CIP2A: variants seen among roughly 807,000 people sequenced by gnomAD.
The protein encoded by CIP2A is protein CIP2A.
CIP2A carries 103 observed loss-of-function variants against 110.9 expected under a neutral mutation model. The ratio of observed to expected loss-of-function variants is 0.93; its 90% CI spans 0.79 to 1.09. The LOEUF is 1.09. CIP2A is among the 50% of genes least tolerant of loss of function. The pLI is 0.00. For synonymous variants in CIP2A, 381 were observed against 361.6 expected (o/e 1.05, Z -0.61); for missense variants, 1,088 against 1,038.4 (o/e 1.05, Z -0.66).
Position 108,550,916 on chromosome 3 carries a change from C to A in CIP2A, c.*233G>T. On this transcript the variant is annotated 3_prime_UTR_variant, in exon 21 of 21. Transcript: ENST00000295746. Reference sequence around the variant, plus strand: ...TAAAAATGATTTTCTAATGTAAGAACCAAAGAAAACCTTAAGCCATAAAAG... The same window carrying A: ...TAAAAATGATTTTCTAATGTAAGAAACAAAGAAAACCTTAAGCCATAAAAG... 1 of 270,010 alleles carries A rather than the reference C, an allele frequency of 3.7e-6. No homozygotes were observed. Among genetic ancestry groups the A allele is most frequent in the Non-Finnish European group, 6.9e-6 (1 of 145,768 alleles). 16.7% of individuals were successfully genotyped at this position (270,010 alleles called of 1,614,324 possible). A position where few individuals can be genotyped will look rare whatever the true frequency, so the allele number is the denominator to read the frequency against.
chr3:108,551,285 T>G lies in CIP2A; in HGVS notation c.2582A>C (p.Glu861Ala), dbSNP rs147038755. 1.9e-6 allele frequency: 3 copies of G among 1,612,196 alleles called. No individual in the cohort carries two copies. Among genetic ancestry groups the G allele is most frequent in the Non-Finnish European group, 2.5e-6 (3 of 1,178,908 alleles). The part of the protein sequence containing the change: ...SSLEVQKAQL[E>A]GRLEEKESLV... ...GGACTCTTTCTCTTCCAAACGACCT[T>G]CTAATTGTGCCTTTTGAACCTCTAG... Residue 861 changes from glutamate to alanine, a missense_variant, in exon 21 of 21, where the codon GAA becomes GCA. Coordinates refer to ENST00000295746, the MANE Select transcript of CIP2A (RefSeq NM_020890.3).
chr3:108,559,762 T>C lies in CIP2A; in HGVS notation c.2008A>G (p.Thr670Ala). 6.4e-7 allele frequency: 1 copy of C among 1,573,076 alleles called. No homozygotes were observed. The highest frequency in any genetic ancestry group is 8.7e-7 in the Non-Finnish European group (1 of 1,151,018). The change falls in exon 16 of 21, where the codon ACA becomes GCA. Residue 670 changes from threonine (T) to alanine (A), a missense_variant. Transcript: ENST00000295746. Reference protein sequence around the residue: ...QHRCQRTQAETEARTLASMLR... With the variant: ...QHRCQRTQAEAEARTLASMLR... The stretch of plus-strand genomic sequence containing the variant: ...TGTCTTTATATTCTACACACCTCTG[T>C]TTCAGCTTGAGTTCTTTGACAGCGA...
chr3:108,579,195 T>C, intron 7 of CIP2A, 86 bp downstream of exon 7: 1 of 1,023,110 alleles, frequency 9.8e-7, no homozygotes, highest in Non-Finnish European at 1.5e-6. Flanking sequence ...AAGTTTATTA[T>C]ATTTTAAGAA....
intron 18 of CIP2A, 77 bp downstream of exon 18, chr3:108,554,299 A>T (rs1203135332): frequency 1.7e-6 from 1 of 581,908 alleles, no homozygotes; most frequent in Non-Finnish European, 3.0e-6. Context: ...TCAATAAAAA[A>T]CAATGTTCTA....
At chr3:108,561,714 A>G (rs1373753469) in intron 13 of CIP2A, among the ~76,000 whole-genome samples, 1 of 152,122 alleles carries the variant, frequency 6.6e-6, no homozygotes, top group Non-Finnish European at 1.5e-5. Context: ...CTACCTACCA[A>G]TGCATCCATA....
chr3:108,574,692 G>A (rs527997319), intron 8 of CIP2A: 1 of 152,590 alleles, frequency 6.6e-6, no homozygotes, highest in South Asian at 2.1e-4. Flanking sequence ...AAACCTGAGA[G>A]ACAGCCCTTT....
At chr3:108,572,712 A>G (rs1215604702) in intron 8 of CIP2A, among the ~76,000 whole-genome samples, 3 of 151,690 alleles carry the variant, frequency 2.0e-5, no homozygotes, top group Admixed American at 1.3e-4. Flanking sequence ...GATTCACTTA[A>G]TTTTAATAAT....
chr3:108,587,913 C>G (rs1939123286), intron 1 of CIP2A, among the ~76,000 whole-genome samples: 1 of 152,100 alleles, frequency 6.6e-6, no homozygotes, highest in Non-Finnish European at 1.5e-5. Flanking sequence ...TCCCGAGTAG[C>G]TGGGACAACA....
At chr3:108,557,008 G>A (rs1044343573) in intron 17 of CIP2A, among the ~76,000 whole-genome samples, 4 of 152,116 alleles carry the variant, frequency 2.6e-5, no homozygotes, top group African/African-American at 9.6e-5. Context: ...AAGTCAACTG[G>A]AAAGACCTGT....
chr3:108,569,263 CTGTT>C, intron 9 of CIP2A, 122 bp downstream of exon 9: 1 of 690,854 alleles, frequency 1.4e-6, no homozygotes, highest in Non-Finnish European at 2.5e-6. Context: ...TCTAGTATGA[CTGTT>C]AGTAATTGAG....
intron 8 of CIP2A, among the ~76,000 whole-genome samples, chr3:108,570,990 T>C (rs1370165788): frequency 6.6e-6 from 1 of 152,120 alleles, no homozygotes; most frequent in Non-Finnish European, 1.5e-5. Flanking sequence ...TTTTTCTTTT[T>C]AAACTTTTTT....
intron 5 of CIP2A, among the ~76,000 whole-genome samples, chr3:108,580,287 C>T (rs376750181): frequency 2.0e-5 from 3 of 152,112 alleles, no homozygotes; most frequent in South Asian, 4.1e-4. Context: ...TGGGTAGTTT[C>T]GTATATTGCT....
Position 108,579,307 on chromosome 3 carries a change from A to C in CIP2A, c.792T>G (p.Asn264Lys), listed in dbSNP as rs1938782241. The C allele has an allele frequency of 1.2e-6, 2 of 1,610,226 alleles. No homozygotes were observed. The highest frequency in any genetic ancestry group is 1.7e-6 in the Non-Finnish European group (2 of 1,177,532). The change falls in exon 7 of 21, where the codon AAT (asparagine) becomes AAG (lysine). Residue 264 changes from asparagine (N) to lysine (K), a missense_variant. Transcript: ENST00000295746. Reference sequence around the variant, plus strand: ...TGGTGAGATAATCAGCAATTTTAGGATTCTTAAGGAGATCCATCAGTAGGT... The same window carrying C: ...TGGTGAGATAATCAGCAATTTTAGGCTTCTTAAGGAGATCCATCAGTAGGT... ...SVDLLMDLLK[N>K]PKIADYLTRY...
In CIP2A at chr3:108,569,496, T is replaced by C; in HGVS notation, c.1006A>G (p.Lys336Glu). Residue 336 changes from lysine (K) to glutamate (E), a missense_variant, in exon 9 of 21, where the codon AAA becomes GAA. Transcript: ENST00000295746. ...PGSATLGSHT[K>E]CLEPTVALLR... ...AGAGCCACAGTAGGTTCTAAACATT[T>C]AGTATGGCTTCCCAGAGTGGCGCTG... is the stretch of plus-strand genomic sequence containing the variant. The C allele has an allele frequency of 6.2e-7, 1 of 1,612,856 alleles. No homozygotes were observed. The highest frequency in any genetic ancestry group is 8.5e-7 in the Non-Finnish European group (1 of 1,179,354).
At chr3:108,566,865 G>A (rs985974315) in intron 10 of CIP2A, among the ~76,000 whole-genome samples, 5 of 151,754 alleles carry the variant, frequency 3.3e-5, no homozygotes, top group Non-Finnish European at 7.4e-5. Context: ...TTAAAACAGC[G>A]AGGATATCTT....
chr3:108,576,438 T>G (rs2107357707), intron 7 of CIP2A, 92 bp from the exon 8 acceptor site: 3 of 664,742 alleles, frequency 4.5e-6, no homozygotes, highest in Admixed American at 3.0e-5. Flanking sequence ...AAAATTTATG[T>G]GTATTTTCTT....
At chr3:108,555,577 A>G (rs1057380152) in intron 17 of CIP2A, among the ~76,000 whole-genome samples, 1 of 152,174 alleles carries the variant, frequency 6.6e-6, no homozygotes, top group African/African-American at 2.4e-5. Context: ...GGTAAGGAGA[A>G]AATGAAGGCT....
intron 19 of CIP2A, among the ~76,000 whole-genome samples, chr3:108,553,124 T>G (rs1937633068): frequency 2.7e-4 from 15 of 55,360 alleles, no homozygotes; most frequent in Admixed American, 1.8e-4. Flanking sequence ...TCCTTTTGTT[T>G]TTTTTTTTTT....
Position 108,579,682 on chromosome 3 carries a change from C to T in CIP2A, c.556G>A (p.Val186Met). 1 of 1,546,034 alleles carries T rather than the reference C, an allele frequency of 6.5e-7. No homozygotes were observed. The highest frequency in any genetic ancestry group is 8.7e-7 in the Non-Finnish European group (1 of 1,151,894). The stretch of plus-strand genomic sequence containing the variant: ...ATAAGAGTTCGATAAAAAGATTTCA[C>T]ATTACTCTGAGGAAAAAAAAGTTAA... ...VQTHIKTLSN[V>M]KSFYRTLITL... Residue 186 changes from valine to methionine, a missense_variant, in exon 6 of 21, where the codon GTG becomes ATG. Transcript: ENST00000295746.
Sources: allele counts gnomAD v4.1 joint callset (sites outside exome capture counted in the v4.1 genomes callset), GRCh38; gene constraint gnomAD v4.1.1; transcripts MANE v1.5; gene names NCBI Gene and HGNC (gene_info 2026-07-23, HGNC 2026-07-21).